ALK: variants seen among roughly 807,000 people sequenced by gnomAD.
ALK encodes ALK tyrosine kinase receptor.
Under a neutral mutation model 163.1 loss-of-function variants are expected in ALK, and 74 were observed. That is an observed-to-expected ratio of 0.45 (90% CI 0.38 to 0.55). The LOEUF (loss-of-function observed/expected upper bound fraction) is 0.55. Among genes scored for constraint, ALK ranks in the 20% least tolerant of loss-of-function variants. The probability of loss-of-function intolerance (pLI) is 0.00; values close to 1 mark genes in which losing one functional copy is unlikely to be tolerated. For missense variants in ALK, 2,063 were observed against 2,105.3 expected (o/e 0.98, Z 0.39); for synonymous variants, 960 against 843.2 (o/e 1.14, Z -2.40).
chr2:29,528,910 T>G (rs1673037015), intron 4 of ALK, among the ~76,000 whole-genome samples: 1 of 152,194 alleles, frequency 6.6e-6, no homozygotes, highest in South Asian at 2.1e-4. Context: ...ATTCTGGCCA[T>G]GCAGATGAGC....
At chr2:29,652,789 T>A (rs1677072483) in intron 3 of ALK, among the ~76,000 whole-genome samples, 1 of 152,146 alleles carries the variant, frequency 6.6e-6, no homozygotes, top group South Asian at 2.1e-4. Context: ...TGGAACTTCC[T>A]GGAGGTGTCA....
intron 1 of ALK, among the ~76,000 whole-genome samples, chr2:29,853,794 TC>T (rs200289701): frequency 0.062 from 9,436 of 152,098 alleles, 416 homozygotes; most frequent in East Asian, 0.16. Context: ...TCTCCCTCCC[TC>T]CTCTTCTCTC....
At chr2:29,873,271 TCTC>T in intron 1 of ALK, among the ~76,000 whole-genome samples, 1 of 152,180 alleles carries the variant, frequency 6.6e-6, no homozygotes, top group Non-Finnish European at 1.5e-5. Flanking sequence ...AGATGCCTCT[TCTC>T]CTCAATACTC....
In ALK at chr2:29,246,695, G is replaced by A. The variant is rs1018559416; in HGVS notation, c.2204+4410C>T. On this transcript the variant is annotated intron_variant, in intron 12 of 28. Coordinates refer to ENST00000389048, the MANE Select transcript of ALK (RefSeq NM_004304.5). This position sits in a 1 kb window ranked among gnomAD's most constrained non-coding sequence, Gnocchi z 4.3. ...CACATTCACTCAGTCCTCAACTTAC[G>A]CTGATCCCACCTCCTGAGCACCTCT... is the stretch of plus-strand genomic sequence containing the variant. 3.3e-5 allele frequency among the ~76,000 whole-genome samples: 5 copies of A among 152,112 alleles called. No individual in the cohort carries two copies. Among genetic ancestry groups the A allele is most frequent in the Non-Finnish European group, 7.4e-5 (5 of 68,020 alleles).
chr2:29,613,282 G>C (rs2148222977), intron 3 of ALK, among the ~76,000 whole-genome samples: 1 of 152,326 alleles, frequency 6.6e-6, no homozygotes, highest in South Asian at 2.1e-4. Context: ...ATTTATCCCA[G>C]ATGACTGGCA....
intron 4 of ALK, among the ~76,000 whole-genome samples, chr2:29,406,144 C>T (rs1669575918): frequency 6.6e-6 from 1 of 152,218 alleles, no homozygotes; most frequent in African/African-American, 2.4e-5. Flanking sequence ...ATTTCTCCAT[C>T]CCTATTACTG....
chr2:29,912,671 C>T (rs4665486), intron 1 of ALK, among the ~76,000 whole-genome samples: 134,523 of 151,820 alleles, frequency 0.89, 59,694 homozygotes, highest in East Asian at 1. Flanking sequence ...ATTTAAAACA[C>T]GCATGACTGG....
chr2:29,444,934 T>G (rs1231482739), intron 4 of ALK, among the ~76,000 whole-genome samples: 3 of 152,140 alleles, frequency 2.0e-5, no homozygotes, highest in Non-Finnish European at 4.4e-5. Flanking sequence ...AGAGCATCAG[T>G]TTGGGCATCT....
At chr2:29,399,039 A>T (rs753979544) in intron 4 of ALK, among the ~76,000 whole-genome samples, 1 of 152,174 alleles carries the variant, frequency 6.6e-6, no homozygotes, top group Non-Finnish European at 1.5e-5. Context: ...AAACCTGCCA[A>T]TGATGTCATC....
At chr2:29,640,268 C>A (rs543828759) in intron 3 of ALK, among the ~76,000 whole-genome samples, 3 of 152,170 alleles carry the variant, frequency 2.0e-5, no homozygotes, top group Admixed American at 6.5e-5. Context: ...GAACAGTAAT[C>A]GCCAATGTTG....
Position 29,251,204 on chromosome 2 carries a change from T to C in ALK, c.2105A>G (p.Asn702Ser), listed in dbSNP as rs1353555846. The change falls in exon 12 of 29, where the codon AAC (asparagine) becomes AGC (serine). Residue 702 changes from asparagine to serine, a missense_variant. This residue lies in a region of ALK where 987 missense variants were observed against 939.5 expected (regional missense o/e 1.05). Coordinates refer to ENST00000389048, the MANE Select transcript of ALK (RefSeq NM_004304.5). ...CAGGTTGGAGTTCTGGTAGGCGTTGTTGCACTGTGCCTGGGTGGGGCCATG... is the reference window on the plus strand; with the variant it reads ...CAGGTTGGAGTTCTGGTAGGCGTTGCTGCACTGTGCCTGGGTGGGGCCATG... ...GPHGPTQAQC[N>S]NAYQNSNLSV... The C allele has an allele frequency of 3.1e-6, 5 of 1,614,162 alleles. No individual in the cohort carries two copies. Among genetic ancestry groups the C allele is most frequent in the South Asian group, 2.2e-5 (2 of 91,062 alleles).
At chr2:29,195,978 C>T (rs11892780) in intron 28 of ALK, among the ~76,000 whole-genome samples, 5,597 of 152,084 alleles carry the variant, frequency 0.037, 324 homozygotes, top group African/African-American at 0.13. Flanking sequence ...AAGTTTGTAT[C>T]AGAGACAGGG....
At chr2:29,343,365 C>T (rs1667856263) in intron 5 of ALK, among the ~76,000 whole-genome samples, 1 of 140,024 alleles carries the variant, frequency 7.1e-6, no homozygotes, top group African/African-American at 2.6e-5. Flanking sequence ...TGTGTCACTG[C>T]ATCTGGCTAA....
chr2:29,897,577 T>A (rs1332279986), intron 1 of ALK, among the ~76,000 whole-genome samples: 1 of 152,110 alleles, frequency 6.6e-6, no homozygotes, highest in Non-Finnish European at 1.5e-5. Context: ...TGATGGCTCC[T>A]CCCTCCACCA....
intron 5 of ALK, among the ~76,000 whole-genome samples, chr2:29,334,391 A>C (rs1472291467): frequency 6.6e-6 from 1 of 152,216 alleles, no homozygotes; most frequent in South Asian, 2.1e-4. Context: ...CATTATGTCC[A>C]TTTGATAGTT....
chr2:29,336,718 A>G (rs911519608), intron 5 of ALK, among the ~76,000 whole-genome samples: 1 of 152,220 alleles, frequency 6.6e-6, no homozygotes, highest in Non-Finnish European at 1.5e-5. Context: ...CAACTCTCCT[A>G]ACGCAAATTT....
chr2:29,221,167 A>C, intron 22 of ALK: 1 of 553,030 alleles, frequency 1.8e-6, no homozygotes, highest in Admixed American at 2.2e-5. Context: ...TGGGTGCTAG[A>C]ATTCATGGTC....
At chr2:29,806,304 A>G (rs1268150210) in intron 1 of ALK, among the ~76,000 whole-genome samples, 1 of 152,142 alleles carries the variant, frequency 6.6e-6, no homozygotes, top group Non-Finnish European at 1.5e-5. Context: ...GAAGCTTCTT[A>G]ATAGCATGGG....
chr2:29,918,747 C>A (rs72798452), intron 1 of ALK, among the ~76,000 whole-genome samples: 9,057 of 152,144 alleles, frequency 0.06, 532 homozygotes, highest in East Asian at 0.16. Flanking sequence ...ATACTTGTAG[C>A]TCTACAATGG....
Sources: allele counts gnomAD v4.1 joint callset (sites outside exome capture counted in the v4.1 genomes callset), GRCh38; gene constraint gnomAD v4.1.1; regional missense constraint gnomAD v4.1.1; non-coding constraint Gnocchi (gnomAD v3.1); transcripts MANE v1.5; gene names NCBI Gene and HGNC (gene_info 2026-07-23, HGNC 2026-07-21).